The following ABCB5 variants were observed in gnomAD, a reference collection of about 807,000 sequenced individuals.
ABCB5 encodes ATP-binding cassette sub-family B member 5.
ABCB5 carries 155 observed loss-of-function variants against 144.2 expected under a neutral mutation model. The observed-to-expected ratio is 1.08, with a 90% confidence interval of 0.94 to 1.23. The LOEUF is 1.23. Ranked by LOEUF, ABCB5 falls within the 50% of genes most tolerant of loss-of-function variation. ABCB5 has a pLI of 0.00. For synonymous variants in ABCB5, 610 were observed against 528.6 expected, an observed-to-expected ratio of 1.15 and a Z score of -2.11; for missense variants, 1,830 against 1,520.8, an observed-to-expected ratio of 1.20 and a Z score of -3.38.
At chr7:20,631,526 TA>T (rs553168931) in intron 4 of ABCB5, among the ~76,000 whole-genome samples, 1 of 152,196 alleles carries the variant, frequency 6.6e-6, no homozygotes, top group South Asian at 2.1e-4. Context: ...CAGTGTACAA[TA>T]TTTTTTTCTA....
chr7:20,739,127 AG>A lies in ABCB5; in HGVS notation c.3015del (p.Lys1007SerfsTer9). The A allele has an allele frequency of 4.4e-6, 7 of 1,603,944 alleles. No homozygotes were observed. Among genetic ancestry groups the A allele is most frequent in the Non-Finnish European group, 6.0e-6 (7 of 1,174,928 alleles). The part of the protein sequence containing the change: ...KPNIDSRSQE[G>X]KKPDTCEGNL... ...CAAATATAGACAGCCGCAGTCAAGA[AG>A]GGAAAAAGCCAGTAAGCACAACTGT... On this transcript the variant is annotated frameshift_variant, in exon 24 of 28. Coordinates refer to ENST00000404938, the MANE Select transcript of ABCB5 (RefSeq NM_001163941.2). LOFTEE classifies it high-confidence loss of function.
chr7:20,652,187 C>T (rs913615209), intron 13 of ABCB5, among the ~76,000 whole-genome samples: 5 of 152,190 alleles, frequency 3.3e-5, no homozygotes, highest in African/African-American at 1.2e-4. Flanking sequence ...GAAAGTCATA[C>T]ACACAATGTT....
intron 3 of ABCB5, 75 bp from the exon 4 acceptor site, chr7:20,628,613 T>C: frequency 7.4e-7 from 1 of 1,357,764 alleles, no homozygotes; most frequent in Middle Eastern, 2.0e-4. Flanking sequence ...CTGTAGGCTG[T>C]TGTGTGTGTG....
intron 23 of ABCB5, among the ~76,000 whole-genome samples, chr7:20,729,903 C>G (rs781356094): frequency 1.3e-5 from 2 of 152,080 alleles, no homozygotes; most frequent in Non-Finnish European, 2.9e-5. Context: ...CTTTGAATAT[C>G]CTTATTGTTG....
At chr7:20,679,678 T>A (rs969766322) in intron 14 of ABCB5, among the ~76,000 whole-genome samples, 3 of 151,470 alleles carry the variant, frequency 2.0e-5, no homozygotes, top group Admixed American at 2.0e-4. Flanking sequence ...TTGTCACTAA[T>A]CATTTGAAAA....
In ABCB5 at chr7:20,666,728, T is replaced by C. The variant is rs572163042; in HGVS notation, c.1707+8052T>C. 4.9e-5 allele frequency: 78 copies of C among 1,595,574 alleles called. No homozygotes were observed. In the East Asian group the frequency reaches 1.1e-3, roughly 22 times the overall value. ...ATCTGTGAAGTAGGATAGGAGATAC[T>C]AGGAAATTCTTTCAATATTGTATTT... On this transcript the variant is annotated intron_variant, in intron 14 of 27. Coordinates refer to ENST00000404938, the MANE Select transcript of ABCB5 (RefSeq NM_001163941.2).
intron 14 of ABCB5, chr7:20,667,013 T>C (rs1785220395): frequency 3.0e-6 from 2 of 668,756 alleles, no homozygotes; most frequent in Non-Finnish European, 4.2e-6. Context: ...ATATCGGTTT[T>C]AGGTCACATG....
chr7:20,725,523 G>C (rs1050409619), intron 21 of ABCB5, among the ~76,000 whole-genome samples: 1 of 152,186 alleles, frequency 6.6e-6, no homozygotes, highest in Non-Finnish European at 1.5e-5. Context: ...AGGTTGCAGT[G>C]AGCCAAGATC....
chr7:20,711,860 TCCTTCCTC>T (rs1304338109), intron 20 of ABCB5, among the ~76,000 whole-genome samples: 7,410 of 49,042 alleles, frequency 0.15, 1,307 homozygotes, highest in Non-Finnish European at 0.17. Context: ...TTTCTTTCTT[TCCTTCCTC>T]CCTCCCTCCC....
At chr7:20,719,971 A>ACACG (rs1554288221) in intron 20 of ABCB5, among the ~76,000 whole-genome samples, 158 of 141,402 alleles carry the variant, frequency 1.1e-3, no homozygotes, top group African/African-American at 3.7e-3. Flanking sequence ...ACACACACAC[A>ACACG]CATTCTCTAG....
chr7:20,707,691 T>C (rs1315688751), intron 20 of ABCB5, among the ~76,000 whole-genome samples: 2 of 152,162 alleles, frequency 1.3e-5, no homozygotes, highest in African/African-American at 4.8e-5. Flanking sequence ...AGCTGTAATA[T>C]GTTGCCCAAA....
chr7:20,648,526 G>GCA (rs1428336445), intron 11 of ABCB5, among the ~76,000 whole-genome samples: 29 of 151,784 alleles, frequency 1.9e-4, no homozygotes, highest in African/African-American at 3.6e-4. Flanking sequence ...TTACACACAC[G>GCA]CACACACACA....
intron 2 of ABCB5, among the ~76,000 whole-genome samples, chr7:20,626,022 C>G (rs576659878): frequency 1.3e-5 from 2 of 152,226 alleles, no homozygotes; most frequent in East Asian, 3.9e-4. Context: ...GTGAATAATT[C>G]AAGGATGAAC....
intron 4 of ABCB5, among the ~76,000 whole-genome samples, chr7:20,629,142 C>CTGTG (rs1486662796): frequency 4.8e-5 from 2 of 41,694 alleles, no homozygotes; most frequent in African/African-American, 1.5e-4. Flanking sequence ...GAGAGAGAGA[C>CTGTG]TGCGTGTGTG....
rs1366230671 is a variant in ABCB5, at chr7:20,680,193, T to C, written c.1708-1312T>C. Among the ~76,000 whole-genome samples, 3 of 152,136 alleles carry C rather than the reference T, an allele frequency of 2.0e-5. No homozygotes were observed. In the East Asian group the frequency reaches 5.8e-4, roughly 29 times the overall value. ...CAATGCACAATCTCATTTATATAAA[T>C]TACCAGAAAATCAAAACAAGTTATG... On this transcript the variant is annotated intron_variant, in intron 14 of 27. Coordinates refer to ENST00000404938, the MANE Select transcript of ABCB5 (RefSeq NM_001163941.2).
At chr7:20,753,618 C>G (rs1583472161) in intron 27 of ABCB5, 112 bp downstream of exon 27, 1 of 1,243,690 alleles carries the variant, frequency 8.0e-7, no homozygotes, top group Non-Finnish European at 1.1e-6. Flanking sequence ...AATTGTAGTT[C>G]TAAGGTCACC....
At chr7:20,740,155 G>A (rs1174108701) in intron 24 of ABCB5, among the ~76,000 whole-genome samples, 5 of 152,120 alleles carry the variant, frequency 3.3e-5, no homozygotes, top group Admixed American at 6.5e-5. Flanking sequence ...CAGGAGAATC[G>A]CTTGAACCCG....
rs764611347 is a variant in ABCB5, at chr7:20,628,760, TG to T, written c.182del (p.Cys61SerfsTer4). On this transcript the variant is annotated frameshift_variant, in exon 4 of 28. Coordinates refer to ENST00000404938, the MANE Select transcript of ABCB5 (RefSeq NM_001163941.2). LOFTEE classifies it high-confidence loss of function. ...GILASLVNGACLPLMPLVLGE... is the reference protein window; with the variant it reads ...GILASLVNGAXLPLMPLVLGE... ...ACTGGCATCACTGGTCAATGGAGCC[TG>T]CCTTCCTTTAATGCCACTGGTTTTA... 1.9e-6 allele frequency: 3 copies of T among 1,613,616 alleles called. No individual in the cohort carries two copies. Among genetic ancestry groups the T allele is most frequent in the Non-Finnish European group, 2.5e-6 (3 of 1,179,806 alleles).
chr7:20,725,653 T>C (rs949117778), intron 21 of ABCB5, among the ~76,000 whole-genome samples: 4 of 152,226 alleles, frequency 2.6e-5, no homozygotes, highest in Admixed American at 2.0e-4. Context: ...TCTGTAATAA[T>C]ATTCATCCCT....
Sources: allele counts gnomAD v4.1 joint callset (sites outside exome capture counted in the v4.1 genomes callset), GRCh38; gene constraint gnomAD v4.1.1; transcripts MANE v1.5; gene names NCBI Gene and HGNC (gene_info 2026-07-23, HGNC 2026-07-21).